The following SERGEF variants were observed in gnomAD, a reference collection of about 807,000 sequenced individuals.
The protein encoded by SERGEF is secretion-regulating guanine nucleotide exchange factor.
A neutral mutation model predicts 50.0 loss-of-function variants in SERGEF; 51 were observed. That is an observed-to-expected ratio of 1.02 (90% CI 0.81 to 1.29). The LOEUF (loss-of-function observed/expected upper bound fraction) is 1.29. Ranked by LOEUF, SERGEF falls within the 50% of genes most tolerant of loss-of-function variation. SERGEF has a pLI of 0.00. For synonymous variants in SERGEF, 205 were observed against 212.4 expected (o/e 0.97, Z 0.30); for missense variants, 521 against 557.0 (o/e 0.94, Z 0.65).
intron 10 of SERGEF, among the ~76,000 whole-genome samples, chr11:17,842,684 G>T (rs1173153365): frequency 6.6e-6 from 1 of 152,196 alleles, no homozygotes; most frequent in African/African-American, 2.4e-5. Context: ...ACCACTCATA[G>T]TGATGTCAAA....
At chr11:17,896,574 A>G (rs1343825934) in intron 9 of SERGEF, among the ~76,000 whole-genome samples, 27 of 37,086 alleles carry the variant, frequency 7.3e-4, no homozygotes, top group African/African-American at 2.9e-3. Flanking sequence ...GGGAAGGGGA[A>G]GGGAAGGGAA....
intron 8 of SERGEF, among the ~76,000 whole-genome samples, chr11:17,987,376 A>C (rs1156321788): frequency 6.6e-6 from 1 of 152,228 alleles, no homozygotes; most frequent in Non-Finnish European, 1.5e-5. Context: ...CATTATCTGA[A>C]ACAAAAGAGA....
At chr11:17,981,161 T>C (rs1292694594) in intron 8 of SERGEF, among the ~76,000 whole-genome samples, 1 of 152,250 alleles carries the variant, frequency 6.6e-6, no homozygotes, top group African/African-American at 2.4e-5. Context: ...ACAATCTTTT[T>C]ATTCTTCTAC....
intron 10 of SERGEF, chr11:17,846,511 C>G (rs149326892): frequency 2.3e-4 from 84 of 361,062 alleles, no homozygotes; most frequent in African/African-American, 1.7e-3. Flanking sequence ...ATGGAGAACA[C>G]CATCTTTGTA....
intron 8 of SERGEF, among the ~76,000 whole-genome samples, chr11:17,962,019 G>C (rs935702428): frequency 6.6e-6 from 1 of 152,186 alleles, no homozygotes; most frequent in Admixed American, 6.5e-5. Flanking sequence ...TAAATGATGA[G>C]AGTTAAATGA....
rs138969569 is a variant in SERGEF at position 17,803,209 on chromosome 11, T to G, written c.1049-14796A>C. ...GGCATTCTGTAGGGTGGCTGCAGCC[T>G]CAGTTATGGAGGAAGGGAGTTATCA... is the stretch of plus-strand genomic sequence containing the variant. On this transcript the variant is annotated intron_variant, in intron 10 of 10. Coordinates refer to ENST00000265965, the MANE Select transcript of SERGEF (RefSeq NM_012139.4). Among the ~76,000 whole-genome samples, 69 of 152,336 alleles carry G rather than the reference T, an allele frequency of 4.5e-4. No individual in the cohort carries two copies. The East Asian group carries it at 0.012, about 26-fold the overall frequency.
chr11:17,886,269 T>C (rs931296947), intron 9 of SERGEF, among the ~76,000 whole-genome samples: 2 of 152,148 alleles, frequency 1.3e-5, no homozygotes, highest in African/African-American at 2.4e-5. Flanking sequence ...TTTGAGAACA[T>C]ATGAAAGGAG....
At chr11:17,796,632 A>C (rs1849575990) in intron 10 of SERGEF, among the ~76,000 whole-genome samples, 1 of 152,208 alleles carries the variant, frequency 6.6e-6, no homozygotes, top group Non-Finnish European at 1.5e-5. Flanking sequence ...ATTGAGCTAA[A>C]TAAATCTCTT....
At chr11:17,877,006 A>C (rs1436053509) in intron 10 of SERGEF, among the ~76,000 whole-genome samples, 5 of 152,158 alleles carry the variant, frequency 3.3e-5, no homozygotes, top group African/African-American at 4.8e-5. Flanking sequence ...CTCTTTGTAC[A>C]TCATGTTTGG....
chr11:17,829,794 A>G (rs947095494), intron 10 of SERGEF, among the ~76,000 whole-genome samples: 1 of 152,234 alleles, frequency 6.6e-6, no homozygotes, highest in Non-Finnish European at 1.5e-5. Context: ...TCAAAAAAGC[A>G]TTGTTTTAAG....
At chr11:17,940,734 C>T (rs1002791951) in intron 9 of SERGEF, among the ~76,000 whole-genome samples, 2 of 152,066 alleles carry the variant, frequency 1.3e-5, no homozygotes, top group Admixed American at 1.3e-4. Flanking sequence ...CCACCATGAC[C>T]GGCTTGATGA....
chr11:17,879,335 T>C (rs1851298881), intron 9 of SERGEF, among the ~76,000 whole-genome samples: 1 of 152,172 alleles, frequency 6.6e-6, no homozygotes, highest in Non-Finnish European at 1.5e-5. Flanking sequence ...TAGAGAATTA[T>C]CCTGTGACCT....
At chr11:17,942,904 G>C (rs931192421) in intron 9 of SERGEF, among the ~76,000 whole-genome samples, 1 of 152,042 alleles carries the variant, frequency 6.6e-6, no homozygotes, top group African/African-American at 2.4e-5. Flanking sequence ...GAATTAAATT[G>C]ATTTTCAAGT....
At chr11:17,956,042 C>G (rs1027089133) in intron 9 of SERGEF, among the ~76,000 whole-genome samples, 1 of 152,148 alleles carries the variant, frequency 6.6e-6, no homozygotes, top group Non-Finnish European at 1.5e-5. Context: ...TACTACCCAC[C>G]CTGGAATTTT....
At chr11:17,951,905 C>T (rs112034108) in intron 9 of SERGEF, among the ~76,000 whole-genome samples, 27 of 152,290 alleles carry the variant, frequency 1.8e-4, no homozygotes, top group African/African-American at 6.5e-4. Flanking sequence ...CAGGCAGTCA[C>T]CTGACAGTGC....
At chr11:17,838,460 G>C (rs559787714) in intron 10 of SERGEF, among the ~76,000 whole-genome samples, 6 of 152,184 alleles carry the variant, frequency 3.9e-5, no homozygotes, top group Non-Finnish European at 7.3e-5. Flanking sequence ...CACTAGATTA[G>C]AAGTCAGAGG....
intron 6 of SERGEF, among the ~76,000 whole-genome samples, chr11:17,993,194 T>C (rs1480361872): frequency 6.6e-6 from 1 of 151,820 alleles, no homozygotes; most frequent in Non-Finnish European, 1.5e-5. Context: ...ATCAAGTAAA[T>C]ACATTCAGGA....
At chr11:17,968,648 G>A (rs1023078684) in intron 8 of SERGEF, among the ~76,000 whole-genome samples, 2 of 151,230 alleles carry the variant, frequency 1.3e-5, no homozygotes, top group African/African-American at 4.9e-5. Context: ...AGGTTGCAGG[G>A]AGCTATGACC....
chr11:17,966,859 T>C (rs916052813), intron 8 of SERGEF, among the ~76,000 whole-genome samples: 6 of 152,216 alleles, frequency 3.9e-5, no homozygotes, highest in Non-Finnish European at 7.3e-5. Context: ...AATTTATTTA[T>C]TGAGAGCTGA....
Sources: gnomAD v4.1 joint callset for allele counts (sites outside exome capture counted in the v4.1 genomes callset) on GRCh38, gnomAD v4.1.1 for gene constraint, MANE v1.5 for transcripts, NCBI Gene and HGNC (gene_info 2026-07-23, HGNC 2026-07-21) for gene names.